ZNF385D: variants seen among roughly 807,000 people sequenced by gnomAD.
ZNF385D encodes zinc finger protein 385D, also known as zinc finger protein 659.
ZNF385D carries 15 observed loss-of-function variants against 35.8 expected under a neutral mutation model. The ratio of observed to expected loss-of-function variants is 0.42; its 90% CI spans 0.28 to 0.64. The LOEUF is 0.64. Ranked by LOEUF, ZNF385D falls within the 30% of genes least tolerant of loss-of-function variation. The probability of loss-of-function intolerance (pLI) is 0.23; values close to 1 mark genes in which losing one functional copy is unlikely to be tolerated. For missense variants in ZNF385D, 474 were observed against 494.6 expected, an observed-to-expected ratio of 0.96 and a Z score of 0.39; for synonymous variants, 212 against 186.8, an observed-to-expected ratio of 1.13 and a Z score of -1.10.
chr3:22,319,749 G>A (rs1174467876), intron 2 of ZNF385D, among the ~76,000 whole-genome samples: 2 of 152,054 alleles, frequency 1.3e-5, no homozygotes, highest in Non-Finnish European at 2.9e-5. Flanking sequence ...AAAAACACTG[G>A]GAGGTCAAGA....
chr3:22,171,348 C>T (rs1694408105), intron 2 of ZNF385D, among the ~76,000 whole-genome samples: 1 of 152,110 alleles, frequency 6.6e-6, no homozygotes, highest in African/African-American at 2.4e-5. Flanking sequence ...AACAATTTAG[C>T]AGGGGAAAAT....
At chr3:21,946,548 C>T (rs1287120888) in intron 3 of ZNF385D, among the ~76,000 whole-genome samples, 1 of 149,358 alleles carries the variant, frequency 6.7e-6, no homozygotes. Context: ...CTTACTTTCT[C>T]AGGCCAAGCA....
chr3:21,866,484 G>A (rs1031645939), intron 3 of ZNF385D, among the ~76,000 whole-genome samples: 2 of 152,104 alleles, frequency 1.3e-5, no homozygotes, highest in African/African-American at 4.8e-5. Flanking sequence ...CAGGTTTTAT[G>A]AGGGCACCGC....
intron 3 of ZNF385D, among the ~76,000 whole-genome samples, chr3:21,763,012 G>C (rs992328435): frequency 2.6e-5 from 4 of 152,122 alleles, no homozygotes; most frequent in Non-Finnish European, 5.9e-5. Flanking sequence ...CTGTCATTGA[G>C]TAGGTACTCA....
chr3:21,496,716 C>T (rs192892645), intron 4 of ZNF385D, among the ~76,000 whole-genome samples: 1 of 151,786 alleles, frequency 6.6e-6, no homozygotes, highest in Non-Finnish European at 1.5e-5. Context: ...ATCAAATAGG[C>T]TTTCTCCCTG....
chr3:22,190,030 G>A (rs1001549815), intron 2 of ZNF385D, among the ~76,000 whole-genome samples: 1 of 152,048 alleles, frequency 6.6e-6, no homozygotes, highest in Non-Finnish European at 1.5e-5. Flanking sequence ...TTGGAAAAAT[G>A]AACACTTACC....
intron 3 of ZNF385D, among the ~76,000 whole-genome samples, chr3:21,980,536 G>A (rs1311022142): frequency 6.6e-6 from 1 of 152,124 alleles, no homozygotes; most frequent in East Asian, 1.9e-4. Context: ...TGATTTTGTA[G>A]ATCACATATC....
rs555468150 is a variant in ZNF385D, at chr3:21,480,591, T to A, written c.439+30270A>T. Among the ~76,000 whole-genome samples, 3 of 152,106 alleles carry A rather than the reference T, an allele frequency of 2.0e-5. No homozygotes were observed. In the East Asian group the frequency reaches 5.8e-4, roughly 29 times the overall value. ...AGCCCGGTCACCCAGCTCCTTCCAATGAAGAAAGATCGGAAGATAAAGAGT... is the reference window on the plus strand; with the variant it reads ...AGCCCGGTCACCCAGCTCCTTCCAAAGAAGAAAGATCGGAAGATAAAGAGT... On this transcript the variant is annotated intron_variant, in intron 4 of 7. Transcript: ENST00000281523.
intron 2 of ZNF385D, among the ~76,000 whole-genome samples, chr3:22,241,280 G>A (rs780165990): frequency 6.6e-6 from 1 of 151,118 alleles, no homozygotes; most frequent in Non-Finnish European, 1.5e-5. Context: ...CAAGACTTTG[G>A]TCTTCACAAA....
chr3:22,367,296 C>A (rs1403190939), intron 2 of ZNF385D, among the ~76,000 whole-genome samples: 2 of 152,090 alleles, frequency 1.3e-5, no homozygotes, highest in Non-Finnish European at 2.9e-5. Context: ...TAAATTCTCA[C>A]CACTTTTAAA....
In ZNF385D at chr3:21,412,470, A is replaced by G. The variant is rs1700506187; in HGVS notation, c.*8744T>C. 1 of 152,100 alleles carries G rather than the reference A, an allele frequency of 6.6e-6. No homozygotes were observed. Among genetic ancestry groups the G allele is most frequent in the Admixed American group, 6.6e-5 (1 of 15,266 alleles). The allele number at this position is 152,100 out of a possible 1,614,324, so 9.4% of individuals were successfully genotyped here. ...AAACTTAAACCAAGTTGAAAAAAAA[A>G]GTTTCCCAAATTGAAAACATTGCCT... On this transcript the variant is annotated 3_prime_UTR_variant, in exon 8 of 8. Transcript: ENST00000281523.
intron 2 of ZNF385D, among the ~76,000 whole-genome samples, chr3:22,251,356 A>G (rs143849288): frequency 1.0e-3 from 152 of 152,248 alleles, no homozygotes; most frequent in African/African-American, 3.4e-3. Context: ...TTCTATGGTA[A>G]TGGTTGTCTT....
chr3:21,446,348 A>T (rs1001531645), intron 4 of ZNF385D, among the ~76,000 whole-genome samples: 7 of 152,170 alleles, frequency 4.6e-5, no homozygotes, highest in African/African-American at 1.7e-4. Context: ...GAACTGAGGG[A>T]GTTCCTGCGA....
At chr3:22,000,031 C>T (rs1046390261) in intron 3 of ZNF385D, among the ~76,000 whole-genome samples, 2 of 152,150 alleles carry the variant, frequency 1.3e-5, no homozygotes, top group African/African-American at 4.8e-5. Context: ...CTAGGCCGGG[C>T]ATGGTGGCTC....
intron 2 of ZNF385D, among the ~76,000 whole-genome samples, chr3:22,185,570 C>T (rs1436355936): frequency 6.6e-6 from 1 of 152,132 alleles, no homozygotes; most frequent in East Asian, 1.9e-4. Flanking sequence ...CGGGTTCAAG[C>T]AATTCTCCTA....
chr3:22,289,575 G>A (rs1702193050), intron 2 of ZNF385D, among the ~76,000 whole-genome samples: 1 of 152,108 alleles, frequency 6.6e-6, no homozygotes, highest in South Asian at 2.1e-4. Flanking sequence ...GAAAAAACTG[G>A]GAAATGTGCA....
At position 21,418,639 on chromosome 3, in the gene ZNF385D, C is replaced by G. The variant is rs1021500077; in HGVS notation, c.*2575G>C. ...CATTAAAGACAGTAATGCCTTGTGA[C>G]CCAGGACACTGTGTATCCCATAGGC... On this transcript the variant is annotated 3_prime_UTR_variant, in exon 8 of 8. Coordinates refer to ENST00000281523, the MANE Select transcript of ZNF385D (RefSeq NM_024697.3). The G allele has an allele frequency of 1.3e-5, 2 of 152,110 alleles. No individual in the cohort carries two copies. Among genetic ancestry groups the G allele is most frequent in the African/African-American group, 4.8e-5 (2 of 41,406 alleles). 9.4% of individuals were successfully genotyped at this position (152,110 alleles called of 1,614,324 possible). A position where few individuals can be genotyped will look rare whatever the true frequency, so the allele number is the denominator to read the frequency against.
At chr3:22,179,785 C>T (rs374484649) in intron 2 of ZNF385D, among the ~76,000 whole-genome samples, 22 of 152,138 alleles carry the variant, frequency 1.4e-4, no homozygotes, top group African/African-American at 4.8e-4. Flanking sequence ...ACATTTAAAG[C>T]AGTGTGTAGA....
chr3:22,064,873 T>A (rs1699853361), intron 3 of ZNF385D, among the ~76,000 whole-genome samples: 1 of 152,312 alleles, frequency 6.6e-6, no homozygotes, highest in South Asian at 2.1e-4. Flanking sequence ...TTGCACAGCA[T>A]GGTGATTACA....
Sources: allele counts gnomAD v4.1 joint callset (sites outside exome capture counted in the v4.1 genomes callset), GRCh38; gene constraint gnomAD v4.1.1; transcripts MANE v1.5; gene names NCBI Gene and HGNC (gene_info 2026-07-23, HGNC 2026-07-21).